Variants in KCNIP4 observed in about 807,000 individuals in gnomAD.
KCNIP4 encodes the protein Kv channel-interacting protein 4.
KCNIP4 carries 12 observed loss-of-function variants against 34.0 expected under a neutral mutation model. The observed-to-expected ratio is 0.35, with a 90% CI of 0.23 to 0.57. The LOEUF (loss-of-function observed/expected upper bound fraction) is 0.57, where lower values mean the gene tolerates loss of function less well. Among genes scored for constraint, KCNIP4 ranks in the 20% least tolerant of loss-of-function variants. The pLI, the probability that KCNIP4 is intolerant of heterozygous loss-of-function variation, is 0.83. For missense variants in KCNIP4, 238 were observed against 311.7 expected (o/e 0.76, Z 1.78); for synonymous variants, 124 against 102.2 (o/e 1.21, Z -1.29).
chr4:21,460,191 T>G (rs1729334151), intron 1 of KCNIP4, among the ~76,000 whole-genome samples: 1 of 150,922 alleles, frequency 6.6e-6, no homozygotes, highest in East Asian at 2.0e-4. Context: ...CCAAGCATCC[T>G]GCGGCCTTGG....
At chr4:20,744,088 A>G (rs953983948) in intron 5 of KCNIP4, among the ~76,000 whole-genome samples, 2 of 152,130 alleles carry the variant, frequency 1.3e-5, no homozygotes, top group Non-Finnish European at 2.9e-5. Context: ...AGTTAGAATG[A>G]CAATCATTAA....
At chr4:21,752,266 G>A (rs948307661) in intron 1 of KCNIP4, among the ~76,000 whole-genome samples, 6 of 152,086 alleles carry the variant, frequency 3.9e-5, no homozygotes, top group African/African-American at 1.4e-4. Context: ...AGGTTTAATT[G>A]ACTCACATTT....
chr4:21,155,525 G>C (rs146687931), intron 1 of KCNIP4, among the ~76,000 whole-genome samples: 13 of 152,230 alleles, frequency 8.5e-5, no homozygotes, highest in African/African-American at 2.9e-4. Context: ...TGCAGTCCTG[G>C]GAGTGAGGAG....
At chr4:21,688,848 G>C (rs1472611243) in intron 1 of KCNIP4, among the ~76,000 whole-genome samples, 1 of 151,662 alleles carries the variant, frequency 6.6e-6, no homozygotes, top group African/African-American at 2.4e-5. Flanking sequence ...TTTCCTGCTT[G>C]GCTCCCCTCT....
chr4:21,676,120 G>A (rs1314693089), intron 1 of KCNIP4, among the ~76,000 whole-genome samples: 3 of 152,258 alleles, frequency 2.0e-5, no homozygotes, highest in South Asian at 2.1e-4. Context: ...AGGGTGGAGC[G>A]TCACTGTGTC....
At chr4:21,265,702 A>G (rs1418231025) in intron 1 of KCNIP4, among the ~76,000 whole-genome samples, 1 of 152,218 alleles carries the variant, frequency 6.6e-6, no homozygotes, top group Non-Finnish European at 1.5e-5. Flanking sequence ...AATAAGTTCC[A>G]CAATCAGAAG....
At chr4:21,860,665 T>TA (rs10715165) in intron 1 of KCNIP4, among the ~76,000 whole-genome samples, 28 of 149,824 alleles carry the variant, frequency 1.9e-4, no homozygotes, top group African/African-American at 3.2e-4. Context: ...CTACTGATAC[T>TA]AAAAAAAAAA....
At chr4:21,697,241 TA>T in intron 1 of KCNIP4, 1 of 1,295,070 alleles carries the variant, frequency 7.7e-7, no homozygotes, top group Non-Finnish European at 9.7e-7. Context: ...TTGACAACAT[TA>T]AAAATAATCA....
At chr4:21,120,038 C>G (rs1263824231) in intron 1 of KCNIP4, among the ~76,000 whole-genome samples, 1 of 152,116 alleles carries the variant, frequency 6.6e-6, no homozygotes, top group Non-Finnish European at 1.5e-5. Context: ...ATTGTTCTAG[C>G]CTTCCCAATC....
chr4:20,956,839 A>G (rs1449343699), intron 1 of KCNIP4, among the ~76,000 whole-genome samples: 1 of 152,234 alleles, frequency 6.6e-6, no homozygotes, highest in Non-Finnish European at 1.5e-5. Flanking sequence ...AATAGAACTG[A>G]ATAGAATAAT....
At chr4:21,247,613 ATTTATATC>A (rs1760318983) in intron 1 of KCNIP4, among the ~76,000 whole-genome samples, 1 of 139,266 alleles carries the variant, frequency 7.2e-6, no homozygotes, top group African/African-American at 2.6e-5. Context: ...TGGTATATAT[ATTTATATC>A]TATATATTTA....
At chr4:21,484,411 G>A (rs1731729041) in intron 1 of KCNIP4, among the ~76,000 whole-genome samples, 1 of 151,466 alleles carries the variant, frequency 6.6e-6, no homozygotes, top group Non-Finnish European at 1.5e-5. Flanking sequence ...TGGGTGACAA[G>A]AGCGAAACTC....
intron 1 of KCNIP4, among the ~76,000 whole-genome samples, chr4:21,002,473 G>C (rs998741552): frequency 2.6e-5 from 4 of 152,208 alleles, no homozygotes; most frequent in African/African-American, 7.2e-5. Context: ...AAATCTGGTA[G>C]TGCATAATCA....
chr4:21,301,246 G>A (rs1038666955), intron 1 of KCNIP4, among the ~76,000 whole-genome samples: 1 of 152,046 alleles, frequency 6.6e-6, no homozygotes, highest in Non-Finnish European at 1.5e-5. Context: ...TGAAGTACAT[G>A]TATTCTACAC....
At chr4:21,742,871 T>C (rs1416416359) in intron 1 of KCNIP4, among the ~76,000 whole-genome samples, 1 of 152,176 alleles carries the variant, frequency 6.6e-6, no homozygotes, top group African/African-American at 2.4e-5. Context: ...AATGAAAAGA[T>C]TAGAAGGATA....
At chr4:21,138,808 C>T (rs778360490) in intron 1 of KCNIP4, among the ~76,000 whole-genome samples, 10 of 152,062 alleles carry the variant, frequency 6.6e-5, no homozygotes, top group African/African-American at 9.7e-5. Context: ...ACTCGGCCGC[C>T]ATGGCTGGCT....
chr4:21,693,765 T>G (rs770449146), intron 1 of KCNIP4, among the ~76,000 whole-genome samples: 18 of 152,166 alleles, frequency 1.2e-4, no homozygotes, highest in Non-Finnish European at 2.6e-4. Context: ...TCTTACCTCC[T>G]GCTTTTAATA....
At chr4:20,900,580 A>G (rs1056218235) in intron 1 of KCNIP4, among the ~76,000 whole-genome samples, 9 of 150,778 alleles carry the variant, frequency 6.0e-5, no homozygotes, top group Non-Finnish European at 1.2e-4. Context: ...TTTCCACTAA[A>G]GCAATCTGAA....
intron 1 of KCNIP4, among the ~76,000 whole-genome samples, chr4:21,503,550 A>G (rs979235960): frequency 6.6e-6 from 1 of 152,236 alleles, no homozygotes. Flanking sequence ...CAAACTAGAC[A>G]CTTAGATGGA....
Sources: gnomAD v4.1 joint callset for allele counts (sites outside exome capture counted in the v4.1 genomes callset) on GRCh38, gnomAD v4.1.1 for gene constraint, MANE v1.5 for transcripts, NCBI Gene and HGNC (gene_info 2026-07-23, HGNC 2026-07-21) for gene names.